The following RARA variants were observed in gnomAD, a reference collection of about 807,000 sequenced individuals.
RARA encodes retinoic acid receptor alpha, also known as PML-DDX5-RARA fusion.
RARA carries 5 observed loss-of-function variants against 42.8 expected under a neutral mutation model. The ratio of observed to expected loss-of-function variants is 0.12; its 90% CI spans 0.06 to 0.25. The LOEUF is 0.25. Ranked by LOEUF, RARA falls within the 10% of genes least tolerant of loss-of-function variation. The pLI is 1.00. For synonymous variants in RARA, 256 were observed against 259.5 expected, an observed-to-expected ratio of 0.99 and a Z score of 0.13; for missense variants, 402 against 628.7, an observed-to-expected ratio of 0.64 and a Z score of 3.86.
In RARA at chr17:40,351,233, C is replaced by T. The variant is rs534984430; in HGVS notation, c.470-677C>T. Among the ~76,000 whole-genome samples, 1 of 151,832 alleles carries T rather than the reference C, an allele frequency of 6.6e-6. No individual in the cohort carries two copies. The highest frequency in any genetic ancestry group is 1.5e-5 in the Non-Finnish European group (1 of 67,902). On this transcript the variant is annotated intron_variant, in intron 4 of 8. Transcript: ENST00000254066. The surrounding 1 kb of genome is among the most constrained non-coding windows in gnomAD (Gnocchi z 4.1). ...GCTACCCCCACCTCGCTACCCCCTC[C>T]CTGAGCCCCTCCCCCACCCTCCCTT... is the stretch of plus-strand genomic sequence containing the variant.
At chr17:40,317,000 G>A (rs2033228862) in intron 1 of RARA, among the ~76,000 whole-genome samples, 1 of 152,256 alleles carries the variant, frequency 6.6e-6, no homozygotes, top group South Asian at 2.1e-4. Context: ...CCTTACCATG[G>A]CTCTTGGGCT....
intron 1 of RARA, among the ~76,000 whole-genome samples, chr17:40,310,973 C>T (rs960235442): frequency 3.3e-5 from 5 of 152,110 alleles, no homozygotes; most frequent in Non-Finnish European, 5.9e-5. Flanking sequence ...TGCAGAATTC[C>T]CCTAATGCAG....
At chr17:40,342,805 T>C (rs1211202801) in intron 2 of RARA, 1 of 1,612,680 alleles carries the variant, frequency 6.2e-7, no homozygotes, top group African/African-American at 1.3e-5. Context: ...GAGAAGGGGC[T>C]CCCCGCCCCG....
chr17:40,336,167 C>T (rs1383665578), intron 2 of RARA, among the ~76,000 whole-genome samples: 4 of 152,150 alleles, frequency 2.6e-5, no homozygotes, highest in Non-Finnish European at 5.9e-5. Flanking sequence ...AACCCTCTGC[C>T]TCCAGGTTCA....
intron 2 of RARA, among the ~76,000 whole-genome samples, chr17:40,340,166 C>A (rs1296313960): frequency 6.6e-6 from 1 of 152,046 alleles, no homozygotes; most frequent in African/African-American, 2.4e-5. Context: ...TTGAATCCAC[C>A]TTCCTCTGTC....
At chr17:40,311,420 A>C (rs1391152626) in intron 1 of RARA, among the ~76,000 whole-genome samples, 1 of 152,040 alleles carries the variant, frequency 6.6e-6, no homozygotes, top group Non-Finnish European at 1.5e-5. Flanking sequence ...GACCTGGTTG[A>C]TATTCGATGA....
intron 2 of RARA, among the ~76,000 whole-genome samples, chr17:40,336,930 C>T (rs1437241826): frequency 6.6e-6 from 1 of 151,900 alleles, no homozygotes; most frequent in Non-Finnish European, 1.5e-5. Context: ...CATCTCTTGA[C>T]CTTGTGATCC....
In RARA at chr17:40,320,759, G is replaced by T. The variant is rs1414646893; in HGVS notation, c.-362-10098G>T. ...GGTGGTTTCTTTTGACCTCTGTGGG[G>T]TCTATTAATATTTGGGAGCACTGCC... is the stretch of plus-strand genomic sequence containing the variant. On this transcript the variant is annotated intron_variant, in intron 1 of 8. Transcript: ENST00000254066. The surrounding 1 kb of genome is among the most constrained non-coding windows in gnomAD (Gnocchi z 4.1). Among the ~76,000 whole-genome samples, 5 of 152,124 alleles carry T rather than the reference G, an allele frequency of 3.3e-5. No individual in the cohort carries two copies. Among genetic ancestry groups the T allele is most frequent in the African/African-American group, 4.8e-5 (2 of 41,412 alleles).
At chr17:40,334,517 C>T (rs539426449) in intron 2 of RARA, among the ~76,000 whole-genome samples, 3 of 152,222 alleles carry the variant, frequency 2.0e-5, no homozygotes, top group Non-Finnish European at 2.9e-5. Context: ...AGCTCCTGAG[C>T]TCTGAGTAGG....
chr17:40,312,195 G>T (rs546147192), intron 1 of RARA, among the ~76,000 whole-genome samples: 1 of 152,308 alleles, frequency 6.6e-6, no homozygotes, highest in East Asian at 1.9e-4. Context: ...CCCACAATGT[G>T]GTTGGCACTG....
At chr17:40,310,473 A>G (rs2033075268) in intron 1 of RARA, among the ~76,000 whole-genome samples, 1 of 152,102 alleles carries the variant, frequency 6.6e-6, no homozygotes, top group African/African-American at 2.4e-5. Flanking sequence ...AATGGGTGGC[A>G]TGTCCCCATC....
chr17:40,340,695 G>C (rs977986379), intron 2 of RARA, among the ~76,000 whole-genome samples: 2 of 152,104 alleles, frequency 1.3e-5, no homozygotes, highest in African/African-American at 4.8e-5. Context: ...GAGCATAATA[G>C]CATTTATCTC....
At chr17:40,312,984 C>CT (rs1166116609) in intron 1 of RARA, among the ~76,000 whole-genome samples, 1 of 152,198 alleles carries the variant, frequency 6.6e-6, no homozygotes, top group East Asian at 1.9e-4. Context: ...TTCCCATCTG[C>CT]TTTTTTGTGC....
At chr17:40,312,876 A>G (rs1004670101) in intron 1 of RARA, among the ~76,000 whole-genome samples, 2 of 152,248 alleles carry the variant, frequency 1.3e-5, no homozygotes, top group East Asian at 3.9e-4. Context: ...CTCCCTTTGC[A>G]CCATTTTTCT....
At chr17:40,348,727 C>T (rs115578678) in intron 3 of RARA, 367 of 340,144 alleles carry the variant, frequency 1.1e-3, no homozygotes, top group African/African-American at 7.1e-3. Flanking sequence ...GCAGGGCGTA[C>T]GCCTGCTCTG....
At chr17:40,312,964 C>A (rs1475722562) in intron 1 of RARA, among the ~76,000 whole-genome samples, 1 of 152,246 alleles carries the variant, frequency 6.6e-6, no homozygotes, top group East Asian at 1.9e-4. Context: ...CCAGGCACAC[C>A]TGGTCCATTT....
chr17:40,347,475 T>C (rs1211312253), intron 2 of RARA, among the ~76,000 whole-genome samples: 1 of 152,164 alleles, frequency 6.6e-6, no homozygotes, highest in Non-Finnish European at 1.5e-5. Context: ...CAGTGAGGGC[T>C]GCCCCTGCTG....
chr17:40,313,966 A>G (rs1282458888), intron 1 of RARA, among the ~76,000 whole-genome samples: 1 of 152,102 alleles, frequency 6.6e-6, no homozygotes, highest in East Asian at 1.9e-4. Flanking sequence ...GGCTCAACAT[A>G]CACATATTTA....
intron 1 of RARA, chr17:40,318,366 A>C (rs566062574): frequency 1.3e-5 from 2 of 152,292 alleles, no homozygotes; most frequent in Admixed American, 1.3e-4. Context: ...CCGCACCCTG[A>C]TGCCGAGCAG....
Sources: gnomAD v4.1 joint callset for allele counts (sites outside exome capture counted in the v4.1 genomes callset) on GRCh38, gnomAD v4.1.1 for gene constraint, Gnocchi (gnomAD v3.1) non-coding constraint, MANE v1.5 for transcripts, NCBI Gene and HGNC (gene_info 2026-07-23, HGNC 2026-07-21) for gene names.